UTRN: variants seen among roughly 807,000 people sequenced by gnomAD.
UTRN encodes utrophin, also known as dystrophin-related protein 1.
A neutral mutation model predicts 463.9 loss-of-function variants in UTRN; 283 were observed. The observed-to-expected ratio is 0.61, with a 90% CI of 0.55 to 0.67. The LOEUF is 0.67. Ranked by LOEUF, UTRN falls within the 30% of genes least tolerant of loss-of-function variation. The pLI, the probability that UTRN is intolerant of heterozygous loss-of-function variation, is 0.00. For synonymous variants in UTRN, 1,442 were observed against 1,431.5 expected, an observed-to-expected ratio of 1.01 and a Z score of -0.17; for missense variants, 3,922 against 4,084.3, an observed-to-expected ratio of 0.96 and a Z score of 1.08.
intron 54 of UTRN, 54 bp downstream of exon 54, chr6:144,730,540 A>G (rs1170110193): frequency 6.8e-6 from 10 of 1,467,796 alleles, no homozygotes; most frequent in African/African-American, 1.5e-5. Flanking sequence ...AGAACAAAAA[A>G]CCCAAAATCA....
intron 2 of UTRN, among the ~76,000 whole-genome samples, chr6:144,354,962 A>G (rs1053119179): frequency 2.6e-5 from 4 of 152,176 alleles, no homozygotes; most frequent in Non-Finnish European, 5.9e-5. Flanking sequence ...CCTTTAGACC[A>G]TGAGCCTGAA....
intron 52 of UTRN, among the ~76,000 whole-genome samples, chr6:144,698,511 A>G (rs1203268125): frequency 6.6e-6 from 1 of 152,342 alleles, no homozygotes; most frequent in East Asian, 1.9e-4. Flanking sequence ...CTAAACCTCA[A>G]AGATCATGGG....
intron 51 of UTRN, among the ~76,000 whole-genome samples, chr6:144,666,780 G>A (rs908911765): frequency 1.3e-5 from 2 of 152,110 alleles, no homozygotes; most frequent in Non-Finnish European, 2.9e-5. Context: ...TATGATCACT[G>A]GTAGCACAGT....
At position 144,789,289 on chromosome 6, in the gene UTRN, ACCT is replaced by A. The variant is rs375162430; in HGVS notation, c.8920+11_8920+13del. On this transcript the variant is annotated intron_variant, in intron 62 of 74. Coordinates refer to ENST00000367545, the MANE Select transcript of UTRN (RefSeq NM_007124.3). The stretch of plus-strand genomic sequence containing the variant: ...GAAGAAAAATACAGATGTATGTAAG[ACCT>A]TTCTTATACCAACAGTGTTTTTAGT... 1.5e-3 allele frequency: 2,341 copies of A among 1,591,120 alleles called. 48 individuals are homozygous for A. The South Asian group carries it at 0.024, about 16-fold the overall frequency.
At chr6:144,456,108 T>C (rs909456990) in intron 19 of UTRN, among the ~76,000 whole-genome samples, 8 of 152,310 alleles carry the variant, frequency 5.3e-5, no homozygotes, top group African/African-American at 1.2e-4. Context: ...TTAAAAAATT[T>C]TTTTTAGGAC....
At chr6:144,346,031 A>C (rs1439767555) in intron 2 of UTRN, among the ~76,000 whole-genome samples, 1 of 151,748 alleles carries the variant, frequency 6.6e-6, no homozygotes, top group Non-Finnish European at 1.5e-5. Flanking sequence ...TACAAAAATT[A>C]GTCGGGCGTG....
chr6:144,460,135 G>T (rs1789265373), intron 21 of UTRN, among the ~76,000 whole-genome samples: 1 of 151,580 alleles, frequency 6.6e-6, no homozygotes, highest in Admixed American at 6.6e-5. Context: ...TAAAGTTTTG[G>T]CAGTCTCATA....
Position 144,479,839 on chromosome 6 carries a change from GA to G in UTRN, c.3367del (p.Ser1123ValfsTer8). On this transcript the variant is annotated frameshift_variant, in exon 26 of 75. Transcript: ENST00000367545. LOFTEE classifies it high-confidence loss of function. ...EIATQKSRLS[E>X]SQEKAANLKK... ...CGCTACTCAAAAAAGTAGGTTGTCT[GA>G]AAGTCAAGAAAAAGCTGCGAACCTG... The G allele has an allele frequency of 6.2e-7, 1 of 1,613,902 alleles. No individual in the cohort carries two copies. The highest frequency in any genetic ancestry group is 8.5e-7 in the Non-Finnish European group (1 of 1,179,926).
intron 46 of UTRN, among the ~76,000 whole-genome samples, chr6:144,547,288 C>A (rs1417774203): frequency 6.6e-6 from 1 of 152,130 alleles, no homozygotes; most frequent in Non-Finnish European, 1.5e-5. Flanking sequence ...TCTTTGTCTG[C>A]AATGGGCATT....
At chr6:144,686,081 A>T (rs886570182) in intron 52 of UTRN, among the ~76,000 whole-genome samples, 2 of 152,060 alleles carry the variant, frequency 1.3e-5, no homozygotes, top group Non-Finnish European at 2.9e-5. Flanking sequence ...GTATATAGTG[A>T]GAAATAGGAA....
chr6:144,322,374 T>C (rs1023419388), intron 2 of UTRN, among the ~76,000 whole-genome samples: 21 of 152,208 alleles, frequency 1.4e-4, no homozygotes, highest in African/African-American at 4.3e-4. Flanking sequence ...TGAATGTGTC[T>C]GATGGATTTA....
intron 51 of UTRN, among the ~76,000 whole-genome samples, chr6:144,621,119 T>C (rs564187037): frequency 6.6e-6 from 1 of 152,300 alleles, no homozygotes; most frequent in African/African-American, 2.4e-5. Context: ...TTAATGGTGG[T>C]ATTACCTCTT....
At chr6:144,657,986 T>C (rs1336446521) in intron 51 of UTRN, among the ~76,000 whole-genome samples, 1 of 152,230 alleles carries the variant, frequency 6.6e-6, no homozygotes, top group Non-Finnish European at 1.5e-5. Context: ...GATCTCAGCA[T>C]GTGGCCCCAG....
At chr6:144,841,983 A>G (rs146529009) in intron 73 of UTRN, among the ~76,000 whole-genome samples, 1 of 152,024 alleles carries the variant, frequency 6.6e-6, no homozygotes, top group African/African-American at 2.4e-5. Context: ...GGTGGCATGC[A>G]CTTGTAATCC....
At chr6:144,743,825 T>C (rs1032968441) in intron 54 of UTRN, among the ~76,000 whole-genome samples, 2 of 152,194 alleles carry the variant, frequency 1.3e-5, no homozygotes, top group Non-Finnish European at 2.9e-5. Flanking sequence ...TTTTCCTCTC[T>C]TCCTTTGTCT....
chr6:144,702,999 G>A (rs1025620081), intron 53 of UTRN, among the ~76,000 whole-genome samples: 5 of 152,148 alleles, frequency 3.3e-5, no homozygotes, highest in African/African-American at 1.2e-4. Flanking sequence ...AATAATATAG[G>A]TAAATTATGA....
chr6:144,728,531 CGTTT>C (rs1788161633), intron 53 of UTRN, among the ~76,000 whole-genome samples: 1 of 150,576 alleles, frequency 6.6e-6, no homozygotes, highest in Admixed American at 6.6e-5. Flanking sequence ...TCACAAGCTG[CGTTT>C]GTTAAATAGG....
chr6:144,348,509 A>T (rs893226045), intron 2 of UTRN, among the ~76,000 whole-genome samples: 2 of 152,218 alleles, frequency 1.3e-5, no homozygotes, highest in African/African-American at 4.8e-5. Flanking sequence ...GGACTCGTGA[A>T]TTTTTTGCAG....
At chr6:144,850,951 G>A in intron 74 of UTRN, 38 bp from the exon 75 acceptor site, 3 of 1,613,214 alleles carry the variant, frequency 1.9e-6, no homozygotes, top group Non-Finnish European at 2.5e-6. Context: ...GTAATGTTTT[G>A]TGCAAATTTC....
Sources: gnomAD v4.1 joint callset for allele counts (sites outside exome capture counted in the v4.1 genomes callset) on GRCh38, gnomAD v4.1.1 for gene constraint, MANE v1.5 for transcripts, NCBI Gene and HGNC (gene_info 2026-07-23, HGNC 2026-07-21) for gene names.